MDFIC: variants seen among roughly 807,000 people sequenced by gnomAD.
MDFIC encodes MyoD family inhibitor domain containing.
A neutral mutation model predicts 23.2 loss-of-function variants in MDFIC; 17 were observed. That is an observed-to-expected ratio of 0.73 (90% CI 0.50 to 1.10). The LOEUF is 1.10. Ranked by LOEUF, MDFIC falls within the 50% of genes least tolerant of loss-of-function variation. MDFIC has a pLI of 0.00. For missense variants in MDFIC, 356 were observed against 316.6 expected (o/e 1.12, Z -0.95); for synonymous variants, 120 against 115.2 (o/e 1.04, Z -0.27).
Position 114,965,145 on chromosome 7 carries a change from G to T in MDFIC, c.218-14361G>T, listed in dbSNP as rs546423843. The stretch of plus-strand genomic sequence containing the variant: ...TGTTGATGTAAGAGTAAGAGGCAGT[G>T]AAGGGCATTCCAAGGAGAGGAGTAG... On this transcript the variant is annotated intron_variant, in intron 3 of 4. Coordinates refer to ENST00000393486, the MANE Select transcript of MDFIC (RefSeq NM_001166345.3). 2.6e-5 allele frequency among the ~76,000 whole-genome samples: 4 copies of T among 152,292 alleles called. No homozygotes were observed. The South Asian group carries it at 8.3e-4, about 32-fold the overall frequency.
chr7:114,980,338 C>T (rs1793396502), intron 4 of MDFIC, among the ~76,000 whole-genome samples: 1 of 152,200 alleles, frequency 6.6e-6, no homozygotes. Context: ...ACTCCCATCC[C>T]ATTTCAGCCT....
At chr7:114,963,131 T>A (rs999206730) in intron 3 of MDFIC, among the ~76,000 whole-genome samples, 14 of 152,190 alleles carry the variant, frequency 9.2e-5, no homozygotes, top group African/African-American at 3.4e-4. Flanking sequence ...AGCCAATTTC[T>A]GGTCAGTTAT....
At chr7:115,002,458 A>C (rs1002699891) in intron 4 of MDFIC, among the ~76,000 whole-genome samples, 1 of 152,198 alleles carries the variant, frequency 6.6e-6, no homozygotes, top group Non-Finnish European at 1.5e-5. Context: ...ATTCTTGAGC[A>C]CTTACTCTGT....
At position 114,922,593 on chromosome 7, in the gene MDFIC, G is replaced by A. The variant is rs781625301; in HGVS notation, c.-151G>A. The A allele has an allele frequency of 2.4e-6, 3 of 1,269,456 alleles. No homozygotes were observed. In the South Asian group the frequency reaches 1.0e-4, roughly 44 times the overall value. The allele number at this position is 1,269,456 out of a possible 1,614,324, so 78.6% of individuals were successfully genotyped here. On this transcript the variant is annotated 5_prime_UTR_variant, in exon 1 of 5. Transcript: ENST00000393486. The stretch of plus-strand genomic sequence containing the variant: ...ACTTTCCGGGGCGGAAGAGGAGGAG[G>A]AGGAGGAGGAAGGGGCTTGGAGCGA...
rs376195722 is a variant in MDFIC, at chr7:114,944,655, C to G, written c.217+2258C>G. On this transcript the variant is annotated intron_variant, in intron 3 of 4. Transcript: ENST00000393486. ...TTGGCCTTCCCCACAGAGTCATTGG[C>G]CATCTCTGTGTAATTTAGTCTGTCT... Among the ~76,000 whole-genome samples, 3 of 152,186 alleles carry G rather than the reference C, an allele frequency of 2.0e-5. No homozygotes were observed. The East Asian group carries it at 5.8e-4, about 29-fold the overall frequency.
At position 114,922,666 on chromosome 7, in the gene MDFIC, G is replaced by A. The variant is rs942656341; in HGVS notation, c.-108+30G>A. On this transcript the variant is annotated intron_variant, in intron 1 of 4. Coordinates refer to ENST00000393486, the MANE Select transcript of MDFIC (RefSeq NM_001166345.3). Reference sequence around the variant, plus strand: ...GTAGTGGTCTCCGGGCGGGGAAGAGGAGGGGTTTGATCCCCATCCCCGGGG... The same window carrying A: ...GTAGTGGTCTCCGGGCGGGGAAGAGAAGGGGTTTGATCCCCATCCCCGGGG... The A allele has an allele frequency of 3.0e-6, 4 of 1,323,994 alleles. No individual in the cohort carries two copies. In the Admixed American group the frequency reaches 1.2e-4, roughly 40 times the overall value. The allele number at this position is 1,323,994 out of a possible 1,614,324, so 82.0% of individuals were successfully genotyped here.
At chr7:114,949,023 A>T (rs1792707698) in intron 3 of MDFIC, among the ~76,000 whole-genome samples, 2 of 152,158 alleles carry the variant, frequency 1.3e-5, no homozygotes. Context: ...TTTCGTGAAG[A>T]TTGGATAAGA....
intron 4 of MDFIC, among the ~76,000 whole-genome samples, chr7:114,989,387 G>A (rs1407039496): frequency 6.6e-6 from 1 of 152,102 alleles, no homozygotes; most frequent in Non-Finnish European, 1.5e-5. Context: ...TTCTAGAAAG[G>A]CCAAAATTCA....
rs1791790702 is a variant in MDFIC, at chr7:115,016,149, C to A, written c.*214C>A. 1 of 512,638 alleles carries A rather than the reference C, an allele frequency of 2.0e-6. No homozygotes were observed. Among genetic ancestry groups the A allele is most frequent in the Admixed American group, 3.8e-5 (1 of 26,190 alleles). 31.8% of individuals were successfully genotyped at this position (512,638 alleles called of 1,614,324 possible). On this transcript the variant is annotated 3_prime_UTR_variant, in exon 5 of 5. Transcript: ENST00000393486. The stretch of plus-strand genomic sequence containing the variant: ...CTACTTTAACTAGTTTTATAAATTT[C>A]TTAATATGTTACAATAACTTAGGGA...
chr7:114,940,583 T>C (rs1296566294), intron 2 of MDFIC, among the ~76,000 whole-genome samples: 2 of 152,226 alleles, frequency 1.3e-5, no homozygotes, highest in African/African-American at 2.4e-5. Context: ...CTCATTAATT[T>C]GAATGGCTTT....
intron 4 of MDFIC, chr7:115,014,572 G>C: frequency 1.7e-6 from 2 of 1,204,326 alleles, no homozygotes; most frequent in Non-Finnish European, 2.1e-6. Flanking sequence ...CGCTATTGTA[G>C]GTTGTGGAAT....
chr7:114,957,520 A>G (rs1364868379), intron 3 of MDFIC, among the ~76,000 whole-genome samples: 1 of 152,150 alleles, frequency 6.6e-6, no homozygotes, highest in African/African-American at 2.4e-5. Flanking sequence ...TAAAAAAAAG[A>G]TCAGCTTTTT....
chr7:114,980,451 C>T (rs77236693), intron 4 of MDFIC, among the ~76,000 whole-genome samples: 11,319 of 152,206 alleles, frequency 0.074, 435 homozygotes, highest in South Asian at 0.099. Flanking sequence ...TCATCCTGCC[C>T]TTGGCTGGGT....
At chr7:114,953,845 A>G (rs181872554) in intron 3 of MDFIC, among the ~76,000 whole-genome samples, 116 of 152,330 alleles carry the variant, frequency 7.6e-4, no homozygotes, top group African/African-American at 2.6e-3. Context: ...TGTAAATGCT[A>G]TGTAAATAGT....
At chr7:114,966,077 G>A (rs375527236) in intron 3 of MDFIC, among the ~76,000 whole-genome samples, 1 of 152,082 alleles carries the variant, frequency 6.6e-6, no homozygotes, top group Non-Finnish European at 1.5e-5. Flanking sequence ...TGTTTCACAT[G>A]TTTGCCAGAT....
intron 3 of MDFIC, among the ~76,000 whole-genome samples, chr7:114,976,559 A>G (rs1563146917): frequency 6.6e-6 from 1 of 152,154 alleles, no homozygotes; most frequent in Non-Finnish European, 1.5e-5. Flanking sequence ...AAAAGGGCAT[A>G]TATAACTGCT....
In MDFIC at chr7:114,931,096, C is replaced by T. The variant is rs146695514; in HGVS notation, c.94+7969C>T. ...CCCTCTCTCTCTCTCTTTGTCTTTCCAGTAACACTTTATTGAAGTTACTTA... is the reference window on the plus strand; with the variant it reads ...CCCTCTCTCTCTCTCTTTGTCTTTCTAGTAACACTTTATTGAAGTTACTTA... On this transcript the variant is annotated intron_variant, in intron 2 of 4. Transcript: ENST00000393486. 2.0e-3 allele frequency among the ~76,000 whole-genome samples: 305 copies of T among 152,242 alleles called. 1 individual carries two copies. Among genetic ancestry groups the T allele is most frequent in the African/African-American group, 6.2e-3 (259 of 41,552 alleles).
intron 3 of MDFIC, among the ~76,000 whole-genome samples, chr7:114,971,978 CAA>C (rs1174577485): frequency 6.6e-6 from 1 of 151,536 alleles, no homozygotes; most frequent in Non-Finnish European, 1.5e-5. Context: ...AAACAAAAGA[CAA>C]ATAGTAATTC....
chr7:114,970,253 T>A (rs1793181592), intron 3 of MDFIC, among the ~76,000 whole-genome samples: 1 of 152,208 alleles, frequency 6.6e-6, no homozygotes, highest in African/African-American at 2.4e-5. Context: ...GCAGGGGCCT[T>A]AGCAGTTCTT....
Sources: allele counts gnomAD v4.1 joint callset (sites outside exome capture counted in the v4.1 genomes callset), GRCh38; gene constraint gnomAD v4.1.1; transcripts MANE v1.5; gene names NCBI Gene and HGNC (gene_info 2026-07-23, HGNC 2026-07-21).